SAMD4A: variants seen among roughly 807,000 people sequenced by gnomAD.
The protein encoded by SAMD4A is sterile alpha motif domain containing 4A, also known as protein Smaug homolog 1.
In SAMD4A, 33 loss-of-function variants were observed where a neutral mutation model predicts 81.3. The ratio of observed to expected loss-of-function variants is 0.41; its 90% CI spans 0.31 to 0.54. The LOEUF is 0.54. Among genes scored for constraint, SAMD4A ranks in the 20% least tolerant of loss-of-function variants. The pLI is 0.37. For missense variants in SAMD4A, 854 were observed against 951.1 expected (o/e 0.90, Z 1.34); for synonymous variants, 389 against 382.1 (o/e 1.02, Z -0.21).
intron 2 of SAMD4A, chr14:54,692,876 G>GCCCA (rs1555343972): frequency 7.6e-6 from 1 of 132,412 alleles, no homozygotes; most frequent in Non-Finnish European, 1.6e-5. Context: ...ATCACTTAGT[G>GCCCA]CCCCCCCCCG....
intron 2 of SAMD4A, among the ~76,000 whole-genome samples, chr14:54,661,938 T>C (rs2035650793): frequency 6.7e-6 from 1 of 148,266 alleles, no homozygotes; most frequent in Non-Finnish European, 1.5e-5. Context: ...ATCCACTATC[T>C]GGAAAAAAAA....
rs368196880 is a variant in SAMD4A at position 54,567,786 on chromosome 14, C to T, written c.-131C>T. 6.7e-6 allele frequency: 6 copies of T among 889,110 alleles called. No homozygotes were observed. The East Asian group carries it at 1.2e-4, about 17-fold the overall frequency. The allele number at this position is 889,110 out of a possible 1,614,324, so 55.1% of individuals were successfully genotyped here. A position where few individuals can be genotyped will look rare whatever the true frequency, so the allele number is the denominator to read the frequency against. On this transcript the variant is annotated 5_prime_UTR_variant, in exon 2 of 13. Coordinates refer to ENST00000554335, the MANE Select transcript of SAMD4A (RefSeq NM_015589.6). Reference sequence around the variant, plus strand: ...GAGCCCAGGCAGTACCTGCAGCGTCCGGGCACCAGAGCCACCTTGGAACAG... The same window carrying T: ...GAGCCCAGGCAGTACCTGCAGCGTCTGGGCACCAGAGCCACCTTGGAACAG...
chr14:54,673,686 C>T (rs576358910), intron 2 of SAMD4A, among the ~76,000 whole-genome samples: 8 of 152,184 alleles, frequency 5.3e-5, no homozygotes, highest in Non-Finnish European at 2.9e-5. Flanking sequence ...GCTCTGCAGC[C>T]CTTAGGAGGG....
chr14:54,782,442 G>A (rs1158272637), intron 11 of SAMD4A, among the ~76,000 whole-genome samples: 1 of 151,900 alleles, frequency 6.6e-6, no homozygotes, highest in African/African-American at 2.4e-5. Context: ...ATTTTCACAT[G>A]AATGGATGAA....
At chr14:54,674,687 G>A (rs919126394) in intron 2 of SAMD4A, among the ~76,000 whole-genome samples, 2 of 152,196 alleles carry the variant, frequency 1.3e-5, no homozygotes, top group Admixed American at 6.5e-5. Context: ...TTGTGACAAT[G>A]TGGTAGATCC....
chr14:54,725,071 T>C (rs2037379828), intron 3 of SAMD4A, among the ~76,000 whole-genome samples: 1 of 152,192 alleles, frequency 6.6e-6, no homozygotes, highest in South Asian at 2.1e-4. Flanking sequence ...ACTCCACAAA[T>C]ATCCGATGAA....
intron 4 of SAMD4A, 42 bp downstream of exon 4, chr14:54,737,329 C>G (rs1002313510): frequency 1.2e-6 from 2 of 1,605,098 alleles, no homozygotes; most frequent in African/African-American, 2.7e-5. Flanking sequence ...AGAGCCCCTC[C>G]CTTTATTGGA....
At chr14:54,647,545 A>C (rs747727692) in intron 2 of SAMD4A, among the ~76,000 whole-genome samples, 9 of 152,228 alleles carry the variant, frequency 5.9e-5, no homozygotes, top group Non-Finnish European at 1.2e-4. Context: ...AAAATAGTCA[A>C]CATGTTAAGT....
Position 54,774,836 on chromosome 14 carries a change from TGAG to T in SAMD4A, c.1716-94_1716-92del, listed in dbSNP as rs1312322521. On this transcript the variant is annotated intron_variant, in intron 9 of 12. Coordinates refer to ENST00000554335, the MANE Select transcript of SAMD4A (RefSeq NM_015589.6). ...CTCAAAAAAAAAAAAAAAAAAAAAA[TGAG>T]GAGACCTCCAAGGCGACATCCCTTG... is the stretch of plus-strand genomic sequence containing the variant. The T allele has an allele frequency of 2.3e-4, 208 of 893,976 alleles. 1 individual carries two copies. The highest frequency in any genetic ancestry group is 2.2e-3 in the Middle Eastern group (7 of 3,186). The allele number at this position is 893,976 out of a possible 1,614,324, so 55.4% of individuals were successfully genotyped here.
chr14:54,700,731 A>G (rs1480048518), intron 2 of SAMD4A, among the ~76,000 whole-genome samples: 3 of 152,188 alleles, frequency 2.0e-5, no homozygotes, highest in South Asian at 2.1e-4. Context: ...ATAACTGTCA[A>G]TCCCAAGACA....
At chr14:54,765,370 C>A (rs557014177) in intron 8 of SAMD4A, among the ~76,000 whole-genome samples, 17 of 152,110 alleles carry the variant, frequency 1.1e-4, no homozygotes, top group African/African-American at 3.9e-4. Flanking sequence ...CACCTGTAAT[C>A]CCCACACTTT....
intron 2 of SAMD4A, among the ~76,000 whole-genome samples, chr14:54,608,977 G>A (rs919933597): frequency 6.6e-6 from 1 of 152,162 alleles, no homozygotes; most frequent in Non-Finnish European, 1.5e-5. Context: ...ATGTCAGAAT[G>A]TTTTTTCTTG....
At chr14:54,699,931 G>T (rs1361684780) in intron 2 of SAMD4A, among the ~76,000 whole-genome samples, 1 of 152,150 alleles carries the variant, frequency 6.6e-6, no homozygotes, top group Non-Finnish European at 1.5e-5. Flanking sequence ...ACAAGTAGTT[G>T]ACTCTTTGGC....
At chr14:54,779,955 G>T (rs1347053850) in intron 11 of SAMD4A, among the ~76,000 whole-genome samples, 3 of 152,130 alleles carry the variant, frequency 2.0e-5, no homozygotes, top group Non-Finnish European at 4.4e-5. Context: ...TAACTGGTTT[G>T]GAAATTGCTT....
rs767756597 is a variant in SAMD4A, at chr14:54,776,401, C to T, written c.1918-13C>T. ...GCTGAACTAACAAGTTCCCCTTTTG[C>T]TTTTCTCACCAGAACCTGTGGTTTG... is the stretch of plus-strand genomic sequence containing the variant. On this transcript the variant is annotated splice_polypyrimidine_tract_variant and intron_variant, in intron 10 of 12. Coordinates refer to ENST00000554335, the MANE Select transcript of SAMD4A (RefSeq NM_015589.6). 3.8e-5 allele frequency: 60 copies of T among 1,585,074 alleles called. No homozygotes were observed. The highest frequency in any genetic ancestry group is 2.7e-5 in the Non-Finnish European group (32 of 1,167,960).
intron 2 of SAMD4A, among the ~76,000 whole-genome samples, chr14:54,570,200 T>C (rs2033089073): frequency 6.6e-6 from 1 of 152,116 alleles, no homozygotes; most frequent in African/African-American, 2.4e-5. Flanking sequence ...AGGACAGAAA[T>C]TTCTTAGGAG....
chr14:54,586,322 A>C (rs769271741), intron 2 of SAMD4A, among the ~76,000 whole-genome samples: 2 of 152,084 alleles, frequency 1.3e-5, no homozygotes, highest in Admixed American at 6.6e-5. Flanking sequence ...AGATTCTGCA[A>C]ATTAGTCCTT....
chr14:54,720,329 C>T (rs995292196), intron 3 of SAMD4A, among the ~76,000 whole-genome samples: 1 of 152,064 alleles, frequency 6.6e-6, no homozygotes, highest in Non-Finnish European at 1.5e-5. Context: ...AGTTTTTTCT[C>T]TTCTGTTTGT....
intron 2 of SAMD4A, among the ~76,000 whole-genome samples, chr14:54,670,737 C>T (rs1260229399): frequency 6.6e-6 from 1 of 152,234 alleles, no homozygotes. Flanking sequence ...CTACAAGTAG[C>T]TCTTGTATGT....
Sources: gnomAD v4.1 joint callset for allele counts (sites outside exome capture counted in the v4.1 genomes callset) on GRCh38, gnomAD v4.1.1 for gene constraint, MANE v1.5 for transcripts, NCBI Gene and HGNC (gene_info 2026-07-23, HGNC 2026-07-21) for gene names.